Variants in GABBR2 observed in about 807,000 individuals in gnomAD.
GABBR2 encodes gamma-aminobutyric acid type B receptor subunit 2, also known as G-protein coupled receptor 51.
A neutral mutation model predicts 105.6 loss-of-function variants in GABBR2; 23 were observed. The ratio of observed to expected loss-of-function variants is 0.22; its 90% confidence interval spans 0.16 to 0.31. GABBR2 has a LOEUF of 0.31. Among genes scored for constraint, GABBR2 ranks in the 10% least tolerant of loss-of-function variants. The probability of loss-of-function intolerance (pLI) is 1.00; values close to 1 mark genes in which losing one functional copy is unlikely to be tolerated. For missense variants in GABBR2, 734 were observed against 1,245.5 expected, an observed-to-expected ratio of 0.59 and a Z score of 6.18; for synonymous variants, 478 against 499.7, an observed-to-expected ratio of 0.96 and a Z score of 0.58.
chr9:98,523,590 A>G (rs1187746259), intron 3 of GABBR2, among the ~76,000 whole-genome samples: 1 of 152,208 alleles, frequency 6.6e-6, no homozygotes, highest in Non-Finnish European at 1.5e-5. Context: ...ATATCCGAAA[A>G]GAAAAAGCCA....
At chr9:98,446,337 C>T (rs1413629441) in intron 7 of GABBR2, among the ~76,000 whole-genome samples, 2 of 152,158 alleles carry the variant, frequency 1.3e-5, no homozygotes, top group Non-Finnish European at 2.9e-5. Flanking sequence ...CACAGCCACA[C>T]TTTGAAAGAA....
chr9:98,463,050 G>A (rs1037964344), intron 6 of GABBR2, among the ~76,000 whole-genome samples: 2 of 151,978 alleles, frequency 1.3e-5, no homozygotes, highest in Non-Finnish European at 2.9e-5. Flanking sequence ...CATCATGCCC[G>A]GCTAATTTTT....
At chr9:98,476,309 C>T (rs1826792383) in intron 5 of GABBR2, among the ~76,000 whole-genome samples, 1 of 152,186 alleles carries the variant, frequency 6.6e-6, no homozygotes, top group African/African-American at 2.4e-5. Context: ...AAGCTTATTC[C>T]ATTTGAATGA....
At chr9:98,442,183 T>A (rs2131588267) in intron 7 of GABBR2, among the ~76,000 whole-genome samples, 1 of 152,346 alleles carries the variant, frequency 6.6e-6, no homozygotes, top group East Asian at 1.9e-4. Context: ...GGGTACAATA[T>A]AAAGAGTCTC....
rs139933829 is a variant in GABBR2 at position 98,371,640 on chromosome 9, A to G, written c.1663-69T>C. On this transcript the variant is annotated intron_variant, in intron 11 of 18. Transcript: ENST00000259455. ...GACAGACTTCATCAGGTATGAGTCC[A>G]CCCTGCAAGGGGACTCTTTATGATG... 5.0e-5 allele frequency: 41 copies of G among 826,556 alleles called. No individual in the cohort carries two copies. In the Middle Eastern group the frequency reaches 6.6e-4, roughly 13 times the overall value. The allele number at this position is 826,556 out of a possible 1,614,324, so 51.2% of individuals were successfully genotyped here.
chr9:98,554,250 A>G (rs1337425602), intron 2 of GABBR2, among the ~76,000 whole-genome samples: 1 of 152,094 alleles, frequency 6.6e-6, no homozygotes, highest in Non-Finnish European at 1.5e-5. Context: ...AGTCCCAGCT[A>G]CTTGGGAGGC....
chr9:98,477,194 G>T (rs1210284908), intron 5 of GABBR2, among the ~76,000 whole-genome samples: 1 of 152,180 alleles, frequency 6.6e-6, no homozygotes. Flanking sequence ...AACGGTTGTG[G>T]ACCGACCGAA....
chr9:98,452,412 C>T (rs1826248159), intron 7 of GABBR2, among the ~76,000 whole-genome samples: 1 of 152,206 alleles, frequency 6.6e-6, no homozygotes, highest in African/African-American at 2.4e-5. Flanking sequence ...AGGTCACTAC[C>T]TTCTGCAGCA....
intron 1 of GABBR2, among the ~76,000 whole-genome samples, chr9:98,609,160 T>G (rs1829470684): frequency 6.6e-6 from 1 of 152,236 alleles, no homozygotes; most frequent in African/African-American, 2.4e-5. Flanking sequence ...ACAAACAACA[T>G]GCATCAGTGG....
intron 5 of GABBR2, among the ~76,000 whole-genome samples, chr9:98,478,833 T>C (rs942588640): frequency 1.3e-5 from 2 of 152,196 alleles, no homozygotes; most frequent in African/African-American, 2.4e-5. Context: ...GGCATCTTCA[T>C]AGATCATTTT....
chr9:98,704,534 G>C (rs1830869823), intron 1 of GABBR2, among the ~76,000 whole-genome samples: 1 of 152,110 alleles, frequency 6.6e-6, no homozygotes, highest in Non-Finnish European at 1.5e-5. Context: ...AGGATTTGAG[G>C]ACATGGGGAA....
Position 98,640,121 on chromosome 9 carries a change from C to CATATATATAT in GABBR2, c.322-62059_322-62050dup, listed in dbSNP as rs6151094. On this transcript the variant is annotated intron_variant, in intron 1 of 18. Transcript: ENST00000259455. ...AGTTTTGAGCCTTTGAAAATACAACCATATATATATATATATATATATATA... is the reference window on the plus strand; with the variant it reads ...AGTTTTGAGCCTTTGAAAATACAACCATATATATATATATATATATATATATATATATATA... 9.9e-3 allele frequency among the ~76,000 whole-genome samples: 1,392 copies of CATATATATAT among 140,830 alleles called. 11 individuals carry two copies. The highest frequency in any genetic ancestry group is 0.013 in the Non-Finnish European group (819 of 64,772). 92.4% of individuals were successfully genotyped at this position (140,830 alleles called of 152,430 possible). A position where few individuals can be genotyped will look rare whatever the true frequency, so the allele number is the denominator to read the frequency against.
chr9:98,557,349 G>A (rs1422692579), intron 2 of GABBR2, among the ~76,000 whole-genome samples: 1 of 152,116 alleles, frequency 6.6e-6, no homozygotes, highest in East Asian at 1.9e-4. Flanking sequence ...TACTGTCATT[G>A]CATCCAAACT....
chr9:98,457,571 A>G (rs899017619), intron 6 of GABBR2, among the ~76,000 whole-genome samples: 6 of 152,190 alleles, frequency 3.9e-5, no homozygotes, highest in Admixed American at 3.3e-4. Flanking sequence ...CTTCCCGGGT[A>G]CAAGGATCAG....
At chr9:98,434,445 A>G (rs1205808237) in intron 7 of GABBR2, among the ~76,000 whole-genome samples, 2 of 152,216 alleles carry the variant, frequency 1.3e-5, no homozygotes, top group Non-Finnish European at 2.9e-5. Flanking sequence ...TAAATGTTCA[A>G]CAACAGGGTC....
At chr9:98,315,506 G>A (rs567045511) in intron 13 of GABBR2, among the ~76,000 whole-genome samples, 35 of 152,312 alleles carry the variant, frequency 2.3e-4, no homozygotes, top group African/African-American at 7.9e-4. Context: ...AGTGACTCCT[G>A]CACTGAACCA....
At chr9:98,602,158 G>A (rs1829347638) in intron 1 of GABBR2, among the ~76,000 whole-genome samples, 2 of 141,888 alleles carry the variant, frequency 1.4e-5, no homozygotes, top group African/African-American at 5.6e-5. Context: ...GCACCACCAT[G>A]CCTGGTTAAT....
At chr9:98,470,930 G>A (rs371338280) in intron 6 of GABBR2, among the ~76,000 whole-genome samples, 1 of 152,140 alleles carries the variant, frequency 6.6e-6, no homozygotes. Context: ...AAGGACTAGC[G>A]CTGTTTAGTT....
intron 1 of GABBR2, among the ~76,000 whole-genome samples, chr9:98,590,727 C>T (rs1239639634): frequency 6.6e-6 from 1 of 152,222 alleles, no homozygotes; most frequent in Non-Finnish European, 1.5e-5. Context: ...CACTCCTTTC[C>T]ATTCCACATT....
Sources: gnomAD v4.1 joint callset for allele counts (sites outside exome capture counted in the v4.1 genomes callset) on GRCh38, gnomAD v4.1.1 for gene constraint, MANE v1.5 for transcripts, NCBI Gene and HGNC (gene_info 2026-07-23, HGNC 2026-07-21) for gene names.